Variants in TEP1 observed in about 807,000 individuals in gnomAD.
TEP1 encodes telomerase associated protein 1.
In TEP1, 241 loss-of-function variants were observed where a neutral mutation model predicts 306.3. The observed-to-expected ratio is 0.79, with a 90% CI of 0.71 to 0.88. The LOEUF (loss-of-function observed/expected upper bound fraction) is 0.88. Among genes scored for constraint, TEP1 ranks in the 40% least tolerant of loss-of-function variants. The probability of loss-of-function intolerance (pLI) is 0.00; values close to 1 mark genes in which losing one functional copy is unlikely to be tolerated. For missense variants in TEP1, 3,051 were observed against 3,276.1 expected (o/e 0.93, Z 1.68); for synonymous variants, 1,289 against 1,305.5 (o/e 0.99, Z 0.27).
intron 9 of TEP1, among the ~76,000 whole-genome samples, chr14:20,400,181 G>T (rs370193090): frequency 6.7e-6 from 1 of 149,200 alleles, no homozygotes. Context: ...TACATATACC[G>T]GCTTCTATCC....
chr14:20,398,101 C>T (rs956556264), intron 9 of TEP1, among the ~76,000 whole-genome samples: 2 of 150,710 alleles, frequency 1.3e-5, no homozygotes, highest in East Asian at 2.0e-4. Flanking sequence ...AATTTTAGGC[C>T]GGGTGCAGTG....
At position 20,373,943 on chromosome 14, in the gene TEP1, G is replaced by A. The variant is rs530879837; in HGVS notation, c.6472-133C>T. ...TGAGGGAGGAGAACTCAGGAACAGT[G>A]GGGTTGGGTGGCTCAGGACAGTGGG... On this transcript the variant is annotated intron_variant, in intron 44 of 54. Transcript: ENST00000262715. The A allele has an allele frequency of 9.7e-6, 12 of 1,235,600 alleles. No homozygotes were observed. In the East Asian group the frequency reaches 2.7e-4, roughly 28 times the overall value. The allele number at this position is 1,235,600 out of a possible 1,614,324, so 76.5% of individuals were successfully genotyped here.
chr14:20,384,322 C>T (rs1400188206), intron 23 of TEP1, 69 bp downstream of exon 23: 3 of 1,610,080 alleles, frequency 1.9e-6, no homozygotes, highest in South Asian at 2.2e-5. Context: ...CAAGCTACTT[C>T]CTCCCCAGGA....
At chr14:20,391,943 C>A (rs1877765437) in intron 12 of TEP1, among the ~76,000 whole-genome samples, 176 bp from the exon 13 acceptor site, 1 of 152,262 alleles carries the variant, frequency 6.6e-6, no homozygotes, top group Non-Finnish European at 1.5e-5. Context: ...GAGCTTCCCT[C>A]TGCCCCCATC....
At chr14:20,403,980 A>C in intron 5 of TEP1, 96 bp from the exon 6 acceptor site, 6 of 1,519,364 alleles carry the variant, frequency 3.9e-6, no homozygotes, top group Non-Finnish European at 5.4e-6. Flanking sequence ...GAGAGCACAG[A>C]GTAGCGAGCA....
chr14:20,386,306 T>C, intron 19 of TEP1, 111 bp from the exon 20 acceptor site: 1 of 1,592,366 alleles, frequency 6.3e-7, no homozygotes, highest in South Asian at 1.1e-5. Context: ...AAAGAAAAGG[T>C]AGGCTGCTCT....
At chr14:20,413,220 C>G (rs907275975) in intron 1 of TEP1, among the ~76,000 whole-genome samples, 185 bp downstream of exon 1, 1 of 152,112 alleles carries the variant, frequency 6.6e-6, no homozygotes, top group Non-Finnish European at 1.5e-5. Flanking sequence ...TTCCCGGAGC[C>G]GCCGGGAGGA....
At chr14:20,409,867 A>G (rs1053511661) in intron 1 of TEP1, among the ~76,000 whole-genome samples, 7 of 151,712 alleles carry the variant, frequency 4.6e-5, no homozygotes, top group Non-Finnish European at 7.4e-5. Flanking sequence ...AAAAAAATAC[A>G]AAAAATTAGC....
chr14:20,396,631 A>G lies in TEP1; in HGVS notation c.1649T>C (p.Leu550Pro). The change falls in exon 10 of 55, where the codon CTC (leucine) becomes CCC (proline). Residue 550 changes from leucine (L) to proline (P), a missense_variant. Physicochemically the swap from Leu to Pro is moderately conservative, Grantham distance 98. Coordinates refer to ENST00000262715, the MANE Select transcript of TEP1 (RefSeq NM_007110.5). ...GCCCCTCACACATACCGCATGCTGGAGTCTCTGGAGAATGAGCTCATGGTG... is the reference window on the plus strand; with the variant it reads ...GCCCCTCACACATACCGCATGCTGGGGTCTCTGGAGAATGAGCTCATGGTG... ...SRHHELILQRLQHAKSVIHSR... is the reference protein window; with the variant it reads ...SRHHELILQRPQHAKSVIHSR... The G allele has an allele frequency of 6.2e-7, 1 of 1,608,494 alleles. No individual in the cohort carries two copies. The highest frequency in any genetic ancestry group is 8.5e-7 in the Non-Finnish European group (1 of 1,175,350).
intron 2 of TEP1, 27 bp from the exon 3 acceptor site, chr14:20,406,427 C>T: frequency 6.2e-7 from 1 of 1,611,598 alleles, no homozygotes; most frequent in Non-Finnish European, 8.5e-7. Context: ...AGTTATGAAT[C>T]ACAGCAGGTA....
chr14:20,400,916 AG>A, intron 9 of TEP1, 67 bp downstream of exon 9: 1 of 1,556,046 alleles, frequency 6.4e-7, no homozygotes, highest in Non-Finnish European at 8.7e-7. Flanking sequence ...TCTTCTAGTG[AG>A]GATCTAAAAT....
At position 20,378,457 on chromosome 14, in the gene TEP1, C is replaced by G; in HGVS notation, c.5431G>C (p.Glu1811Gln). The change falls in exon 38 of 55, where the codon GAG (glutamate) becomes CAG (glutamine). Residue 1811 changes from glutamate (E) to glutamine (Q), a missense_variant. By Grantham distance (29) the Glu-to-Gln change is conservative (BLOSUM62 2). Coordinates refer to ENST00000262715, the MANE Select transcript of TEP1 (RefSeq NM_007110.5). ...CTGCCTGTGGCTATTACCTGCCCCT[C>G]TGGGTGGAAGGCAACACAGTTCAGG... is the stretch of plus-strand genomic sequence containing the variant. ...KSLNCVAFHP[E>Q]GQVIATGSWA... 1 of 1,614,248 alleles carries G rather than the reference C, an allele frequency of 6.2e-7. No individual in the cohort carries two copies. Among genetic ancestry groups the G allele is most frequent in the African/African-American group, 1.3e-5 (1 of 75,066 alleles).
chr14:20,402,952 T>A (rs893326442), intron 7 of TEP1, among the ~76,000 whole-genome samples: 2 of 151,490 alleles, frequency 1.3e-5, no homozygotes, highest in Non-Finnish European at 2.9e-5. Context: ...AGGTCAGGAG[T>A]TCGAGACCAG....
chr14:20,391,065 C>G lies in TEP1; in HGVS notation c.2129G>C (p.Gly710Ala), dbSNP rs1566466888. 1 of 1,614,142 alleles carries G rather than the reference C, an allele frequency of 6.2e-7. No homozygotes were observed. Among genetic ancestry groups the G allele is most frequent in the Non-Finnish European group, 8.5e-7 (1 of 1,180,038 alleles). Reference protein sequence around the residue: ...PPLNYALLLIGMMITRAEQVD... With the variant: ...PPLNYALLLIAMMITRAEQVD... ...CTGCTCCGCCCTCGTGATCATCATCCCAATCAACAGCAGTGCATAGTTCAG... is the reference window on the plus strand; with the variant it reads ...CTGCTCCGCCCTCGTGATCATCATCGCAATCAACAGCAGTGCATAGTTCAG... The change falls in exon 14 of 55, where the codon GGG becomes GCG. Residue 710 changes from glycine (G) to alanine (A), a missense_variant. This residue lies in a region of TEP1 where 1,507 missense variants were observed against 1,550.5 expected (regional missense o/e 0.97). Coordinates refer to ENST00000262715, the MANE Select transcript of TEP1 (RefSeq NM_007110.5).
Position 20,381,156 on chromosome 14 carries a change from TGAA to T in TEP1, c.4648-114_4648-112del, listed in dbSNP as rs993681285. The T allele has an allele frequency of 3.5e-5, 43 of 1,227,246 alleles. No individual in the cohort carries two copies. The highest frequency in any genetic ancestry group is 4.8e-5 in the Non-Finnish European group (40 of 832,628). 76.0% of individuals were successfully genotyped at this position (1,227,246 alleles called of 1,614,324 possible). A position where few individuals can be genotyped will look rare whatever the true frequency, so the allele number is the denominator to read the frequency against. On this transcript the variant is annotated intron_variant, in intron 32 of 54. Coordinates refer to ENST00000262715, the MANE Select transcript of TEP1 (RefSeq NM_007110.5). The surrounding 1 kb of genome is among the most constrained non-coding windows in gnomAD (Gnocchi z 4.0). ...AGGATCTGAGCTGGGACAAAGGACT[TGAA>T]GAAGAAGGGCAGGAAAACTGAAAGG...
Position 20,368,511 on chromosome 14 carries a change from G to C in TEP1, c.7810C>G (p.Leu2604Val), listed in dbSNP as rs1279617019. Residue 2604 changes from leucine to valine, a missense_variant, in exon 55 of 55, where the codon CTG (leucine) becomes GTG (valine). Physicochemically the swap from Leu to Val is conservative, Grantham distance 32. Around this residue, in one of 3 missense-constraint regions of TEP1, gnomAD observed 1,540 missense variants for 1,705.9 expected, o/e 0.90. Coordinates refer to ENST00000262715, the MANE Select transcript of TEP1 (RefSeq NM_007110.5). Reference protein sequence around the residue: ...EGSVSCLEPWLGANSTLQLAV... With the variant: ...EGSVSCLEPWVGANSTLQLAV... Reference sequence around the variant, plus strand: ...AGCTGCAGGGTGGAGTTAGCGCCCAGCCAAGGTTCCAGGCAGCTCACTGAC... The same window carrying C: ...AGCTGCAGGGTGGAGTTAGCGCCCACCCAAGGTTCCAGGCAGCTCACTGAC... 3.7e-6 allele frequency: 6 copies of C among 1,614,162 alleles called. No homozygotes were observed. The highest frequency in any genetic ancestry group is 5.1e-6 in the Non-Finnish European group (6 of 1,180,042).
rs1168512335 is a variant in TEP1, at chr14:20,401,000, G to A, written c.1533C>T (p.Val511=). 6.2e-7 allele frequency: 1 copy of A among 1,614,204 alleles called. No homozygotes were observed. ...ELSLRGNKAS[V]WEELIENGKL... ...TCACTCTACCAATGAGTTCCTCCCA[G>A]ACCGACGCTTTGTTCCCCCGTAGGC... The change falls in exon 9 of 55, where the codon GTC becomes GTT. Residue 511 remains valine (V), a synonymous_variant. Coordinates refer to ENST00000262715, the MANE Select transcript of TEP1 (RefSeq NM_007110.5).
In TEP1 at chr14:20,378,387, A is replaced by T; in HGVS notation, c.5501T>A (p.Val1834Asp). The T allele has an allele frequency of 6.2e-7, 1 of 1,614,080 alleles. No individual in the cohort carries two copies. The highest frequency in any genetic ancestry group is 8.5e-7 in the Non-Finnish European group (1 of 1,180,010). The change falls in exon 38 of 55, where the codon GTC becomes GAC. Residue 1834 changes from valine (V) to aspartate (D), a missense_variant. This residue lies in a region of TEP1 where 1,540 missense variants were observed against 1,705.9 expected (regional missense o/e 0.90). Transcript: ENST00000262715. ...AACACTGGACCTTCTTACCTTGGTG[A>T]CTTTGAGCCCATCCACCTGGAAGAA... ...ISFFQVDGLK[V>D]TKDLGAPGAS...
chr14:20,374,664 T>C lies in TEP1; in HGVS notation c.6364-128A>G, dbSNP rs181788066. 3.8e-4 allele frequency: 231 copies of C among 610,486 alleles called. No homozygotes were observed. The Middle Eastern group carries it at 4.9e-3, about 13-fold the overall frequency. 37.8% of individuals were successfully genotyped at this position (610,486 alleles called of 1,614,324 possible). Reference sequence around the variant, plus strand: ...CCTGGGTTCTCCTGGGTTCAAATCCTAGCTCTGTCACTCATTACTTTCTGC... The same window carrying C: ...CCTGGGTTCTCCTGGGTTCAAATCCCAGCTCTGTCACTCATTACTTTCTGC... On this transcript the variant is annotated intron_variant, in intron 43 of 54. Coordinates refer to ENST00000262715, the MANE Select transcript of TEP1 (RefSeq NM_007110.5).
Sources: gnomAD v4.1 joint callset for allele counts (sites outside exome capture counted in the v4.1 genomes callset) on GRCh38, gnomAD v4.1.1 for gene constraint, gnomAD v4.1.1 regional missense constraint, Gnocchi (gnomAD v3.1) non-coding constraint, MANE v1.5 for transcripts, NCBI Gene and HGNC (gene_info 2026-07-23, HGNC 2026-07-21) for gene names.